The following LRRC4C variants were observed in gnomAD, a reference collection of about 807,000 sequenced individuals.
LRRC4C encodes leucine rich repeat containing 4C, also known as leucine-rich repeat-containing protein 4C.
Under a neutral mutation model 33.6 loss-of-function variants are expected in LRRC4C, and 5 were observed. That is an observed-to-expected ratio of 0.15 (90% CI 0.08 to 0.31). The LOEUF (loss-of-function observed/expected upper bound fraction) is 0.31. Among genes scored for constraint, LRRC4C ranks in the 10% least tolerant of loss-of-function variants. The pLI, the probability that LRRC4C is intolerant of heterozygous loss-of-function variation, is 1.00. For missense variants in LRRC4C, 560 were observed against 796.7 expected (o/e 0.70, Z 3.58); for synonymous variants, 329 against 302.0 (o/e 1.09, Z -0.93).
intron 1 of LRRC4C, among the ~76,000 whole-genome samples, chr11:41,136,896 G>A (rs945515489): frequency 3.9e-5 from 6 of 152,130 alleles, no homozygotes; most frequent in South Asian, 2.1e-4. Flanking sequence ...GTGTGATATT[G>A]CCTACATAAA....
At chr11:41,065,182 A>C (rs960853034) in intron 1 of LRRC4C, among the ~76,000 whole-genome samples, 6 of 151,654 alleles carry the variant, frequency 4.0e-5, no homozygotes, top group African/African-American at 4.8e-5. Flanking sequence ...TCAGCGCAGC[A>C]GTCTGGAGTC....
rs1466034477 is a variant in LRRC4C at position 41,159,991 on chromosome 11, G to A, written c.-495-226268C>T. Among the ~76,000 whole-genome samples, 3 of 151,954 alleles carry A rather than the reference G, an allele frequency of 2.0e-5. No homozygotes were observed. The South Asian group carries it at 6.2e-4, about 32-fold the overall frequency. ...AAAAAAGAAAACTCCAGAAAATAGA[G>A]ACCAAATATGCTTTATAACAAAAGG... On this transcript the variant is annotated intron_variant, in intron 1 of 6. Coordinates refer to ENST00000528697, the MANE Select transcript of LRRC4C (RefSeq NM_001258419.2).
intron 1 of LRRC4C, among the ~76,000 whole-genome samples, chr11:41,320,043 T>TA (rs771448510): frequency 6.6e-6 from 1 of 152,224 alleles, no homozygotes; most frequent in Non-Finnish European, 1.5e-5. Flanking sequence ...GAGACAGATA[T>TA]AAAAAAGTAT....
chr11:41,176,776 A>G (rs1945216853), intron 1 of LRRC4C, among the ~76,000 whole-genome samples: 1 of 152,056 alleles, frequency 6.6e-6, no homozygotes, highest in Non-Finnish European at 1.5e-5. Context: ...CAGCCTGGGC[A>G]ACGTGGTGAA....
intron 5 of LRRC4C, among the ~76,000 whole-genome samples, chr11:40,158,594 T>C (rs200944643): frequency 1.7e-5 from 2 of 114,970 alleles, no homozygotes; most frequent in Admixed American, 8.7e-5. Flanking sequence ...AAAAAAAAAA[T>C]AGATTCCCTG....
At chr11:41,068,652 C>A (rs574298036) in intron 1 of LRRC4C, among the ~76,000 whole-genome samples, 1 of 152,090 alleles carries the variant, frequency 6.6e-6, no homozygotes, top group Non-Finnish European at 1.5e-5. Context: ...CATACACCCT[C>A]GCATACTTAT....
At chr11:41,427,143 A>G (rs1955069634) in intron 1 of LRRC4C, among the ~76,000 whole-genome samples, 1 of 152,176 alleles carries the variant, frequency 6.6e-6, no homozygotes, top group Admixed American at 6.6e-5. Context: ...CCTATTGCAC[A>G]TATACATGCC....
chr11:40,329,973 C>T (rs1255940715), intron 3 of LRRC4C, among the ~76,000 whole-genome samples: 1 of 151,992 alleles, frequency 6.6e-6, no homozygotes, highest in Non-Finnish European at 1.5e-5. Context: ...TATCTCCTGA[C>T]CTCGTGATCC....
chr11:41,372,240 T>G (rs1952777830), intron 1 of LRRC4C, among the ~76,000 whole-genome samples: 1 of 152,230 alleles, frequency 6.6e-6, no homozygotes, highest in Admixed American at 6.5e-5. Context: ...GTTCAGGCTG[T>G]ATTTGGTTTG....
intron 1 of LRRC4C, among the ~76,000 whole-genome samples, chr11:41,174,169 G>A (rs1471409449): frequency 6.6e-6 from 1 of 151,964 alleles, no homozygotes; most frequent in Non-Finnish European, 1.5e-5. Context: ...CATAACAACA[G>A]CATCATAATT....
At chr11:40,816,655 G>A (rs2135428732) in intron 2 of LRRC4C, among the ~76,000 whole-genome samples, 1 of 152,146 alleles carries the variant, frequency 6.6e-6, no homozygotes, top group Admixed American at 6.5e-5. Flanking sequence ...GATATAATAG[G>A]ACAATATGGA....
At chr11:40,735,605 G>T (rs1301566664) in intron 2 of LRRC4C, among the ~76,000 whole-genome samples, 1 of 127,090 alleles carries the variant, frequency 7.9e-6, no homozygotes, top group East Asian at 2.0e-4. Flanking sequence ...TGTGAATAGT[G>T]CCGCAATAAA....
chr11:40,221,176 A>G (rs1212867140), intron 5 of LRRC4C, among the ~76,000 whole-genome samples: 1 of 152,132 alleles, frequency 6.6e-6, no homozygotes, highest in African/African-American at 2.4e-5. Flanking sequence ...CACAATTATT[A>G]CCCTATGTAT....
chr11:41,151,015 A>AACACACACACACACACAG (rs1366389076), intron 1 of LRRC4C, among the ~76,000 whole-genome samples: 1 of 150,404 alleles, frequency 6.6e-6, no homozygotes, highest in African/African-American at 2.4e-5. Flanking sequence ...TGCTCCCTGC[A>AACACACACACACACACAG]ACACACACAC....
At chr11:40,931,543 T>C (rs1408876105) in intron 2 of LRRC4C, among the ~76,000 whole-genome samples, 3 of 152,102 alleles carry the variant, frequency 2.0e-5, no homozygotes, top group Non-Finnish European at 4.4e-5. Flanking sequence ...GTGGTATATG[T>C]CTAAGTTCGC....
At chr11:40,494,314 C>T (rs12224545) in intron 3 of LRRC4C, among the ~76,000 whole-genome samples, 2 of 152,108 alleles carry the variant, frequency 1.3e-5, no homozygotes, top group East Asian at 3.9e-4. Flanking sequence ...CCTGTAATTT[C>T]TAAATATTCT....
intron 2 of LRRC4C, among the ~76,000 whole-genome samples, chr11:40,930,744 G>A (rs1957583968): frequency 6.6e-6 from 1 of 152,140 alleles, no homozygotes; most frequent in Non-Finnish European, 1.5e-5. Context: ...TGATCCATAT[G>A]AGTGAATATC....
intron 2 of LRRC4C, among the ~76,000 whole-genome samples, chr11:40,918,135 T>A (rs1957036948): frequency 6.6e-6 from 1 of 152,140 alleles, no homozygotes; most frequent in Admixed American, 6.6e-5. Context: ...TCACTAAGTA[T>A]TCCCAGTGAG....
chr11:40,249,606 A>G (rs1344235040), intron 4 of LRRC4C, among the ~76,000 whole-genome samples: 3 of 150,748 alleles, frequency 2.0e-5, no homozygotes, highest in African/African-American at 7.3e-5. Context: ...TATATTGTAT[A>G]TATGTATGCG....
Sources: allele counts gnomAD v4.1 joint callset (sites outside exome capture counted in the v4.1 genomes callset), GRCh38; gene constraint gnomAD v4.1.1; transcripts MANE v1.5; gene names NCBI Gene and HGNC (gene_info 2026-07-23, HGNC 2026-07-21).